Variants in FZD3 observed in about 807,000 individuals in gnomAD.
The protein encoded by FZD3 is frizzled class receptor 3, also known as frizzled-3.
A neutral mutation model predicts 60.7 loss-of-function variants in FZD3; 30 were observed. The observed-to-expected ratio is 0.49, with a 90% CI of 0.37 to 0.67. FZD3 has a LOEUF of 0.67. FZD3 is among the 30% of genes least tolerant of loss of function. The probability of loss-of-function intolerance (pLI) is 0.00; values close to 1 mark genes in which losing one functional copy is unlikely to be tolerated. For missense variants in FZD3, 605 were observed against 838.7 expected (o/e 0.72, Z 3.44); for synonymous variants, 246 against 275.2 (o/e 0.89, Z 1.05).
At chr8:28,515,409 G>T (rs962522486) in intron 3 of FZD3, among the ~76,000 whole-genome samples, 2 of 152,216 alleles carry the variant, frequency 1.3e-5, no homozygotes, top group African/African-American at 4.8e-5. Flanking sequence ...ACACTTGGAA[G>T]AAGGCCAAGC....
At chr8:28,546,659 G>T (rs1366344254) in intron 5 of FZD3, among the ~76,000 whole-genome samples, 1 of 151,940 alleles carries the variant, frequency 6.6e-6, no homozygotes, top group African/African-American at 2.4e-5. Flanking sequence ...TTAAATTCTG[G>T]GATTTTTTAT....
At chr8:28,560,598 C>T (rs1013435508) in intron 7 of FZD3, among the ~76,000 whole-genome samples, 1 of 151,944 alleles carries the variant, frequency 6.6e-6, no homozygotes, top group Non-Finnish European at 1.5e-5. Context: ...TTAGAAAATA[C>T]TCAGCTTATA....
At chr8:28,551,388 C>A (rs28750241) in intron 5 of FZD3, among the ~76,000 whole-genome samples, 3,255 of 152,192 alleles carry the variant, frequency 0.021, 107 homozygotes, top group African/African-American at 0.074. Flanking sequence ...TTGGCATATA[C>A]CTGTAATCCT....
intron 3 of FZD3, among the ~76,000 whole-genome samples, chr8:28,514,860 T>G (rs560736774): frequency 6.6e-6 from 1 of 152,326 alleles, no homozygotes; most frequent in African/African-American, 2.4e-5. Flanking sequence ...AAGCTATCAT[T>G]TATTAATTGT....
At chr8:28,524,935 C>A (rs1804678422) in intron 4 of FZD3, among the ~76,000 whole-genome samples, 1 of 152,218 alleles carries the variant, frequency 6.6e-6, no homozygotes, top group Admixed American at 6.5e-5. Flanking sequence ...TCTGTTCCTA[C>A]TTCATTGATC....
intron 4 of FZD3, among the ~76,000 whole-genome samples, chr8:28,523,932 G>A (rs769552609): frequency 2.6e-5 from 4 of 152,080 alleles, no homozygotes; most frequent in Non-Finnish European, 5.9e-5. Flanking sequence ...CCTGATAAAA[G>A]GATGAGTTTG....
Position 28,565,068 on chromosome 8 carries a change from A to AGC in FZD3, c.*2057_*2058insGC, listed in dbSNP as rs1805683449. On this transcript the variant is annotated 3_prime_UTR_variant, in exon 8 of 8. Transcript: ENST00000240093. ...GTATACTTTCTTTCTTACCCTTTAAAACAAACTGCCAAGAAATTAGGTGTT... is the reference window on the plus strand; with the variant it reads ...GTATACTTTCTTTCTTACCCTTTAAAGCACAAACTGCCAAGAAATTAGGTGTT... 2 of 96,578 alleles carry AGC rather than the reference A, an allele frequency of 2.1e-5. No individual in the cohort carries two copies. The highest frequency in any genetic ancestry group is 2.1e-4 in the Admixed American group (2 of 9,466). The allele number at this position is 96,578 out of a possible 1,614,324, so 6.0% of individuals were successfully genotyped here.
Position 28,565,227 on chromosome 8 carries a change from C to T in FZD3, c.*2216C>T, listed in dbSNP as rs1191928791. 6.6e-6 allele frequency: 1 copy of T among 152,082 alleles called. No homozygotes were observed. The highest frequency in any genetic ancestry group is 2.4e-5 in the African/African-American group (1 of 41,404). 9.4% of individuals were successfully genotyped at this position (152,082 alleles called of 1,614,324 possible). A position where few individuals can be genotyped will look rare whatever the true frequency, so the allele number is the denominator to read the frequency against. On this transcript the variant is annotated 3_prime_UTR_variant, in exon 8 of 8. Coordinates refer to ENST00000240093, the MANE Select transcript of FZD3 (RefSeq NM_017412.4). ...ATGAGAGATATTTGAATATTTGGCC[C>T]AAAATGTTTTTCATTTTTCTCTGTG...
intron 3 of FZD3, among the ~76,000 whole-genome samples, chr8:28,510,207 G>T (rs933317722): frequency 6.6e-6 from 1 of 152,058 alleles, no homozygotes; most frequent in Admixed American, 6.5e-5. Context: ...TTACTCCATT[G>T]TATTGGATAT....
intron 5 of FZD3, among the ~76,000 whole-genome samples, chr8:28,535,927 C>T (rs1585981819): frequency 6.6e-6 from 1 of 152,070 alleles, no homozygotes; most frequent in Non-Finnish European, 1.5e-5. Context: ...GCATAATATT[C>T]GTTAAAAATG....
intron 7 of FZD3, among the ~76,000 whole-genome samples, chr8:28,557,718 C>G (rs184927586): frequency 6.6e-6 from 1 of 152,204 alleles, no homozygotes; most frequent in Admixed American, 6.5e-5. Context: ...TGAACTGTAC[C>G]CTCTAACATC....
chr8:28,539,585 T>A (rs1227303502), intron 5 of FZD3, among the ~76,000 whole-genome samples: 2 of 152,234 alleles, frequency 1.3e-5, no homozygotes, highest in Non-Finnish European at 2.9e-5. Flanking sequence ...ATTCAGGAAC[T>A]GTTGTCACTT....
In FZD3 at chr8:28,569,568, A is replaced by G. The variant is rs138367110; in HGVS notation, c.*6557A>G. ...CTTATTCATCCCATGAACTAGATCA[A>G]CTTGTATTATTTTACTAGATCAACC... On this transcript the variant is annotated 3_prime_UTR_variant, in exon 8 of 8. Transcript: ENST00000240093. 2 of 152,170 alleles carry G rather than the reference A, an allele frequency of 1.3e-5. No individual in the cohort carries two copies. Among genetic ancestry groups the G allele is most frequent in the African/African-American group, 4.8e-5 (2 of 41,520 alleles). 9.4% of individuals were successfully genotyped at this position (152,170 alleles called of 1,614,324 possible). A position where few individuals can be genotyped will look rare whatever the true frequency, so the allele number is the denominator to read the frequency against.
Position 28,562,831 on chromosome 8 carries a change from G to A in FZD3, c.1821G>A (p.Glu607=). Residue 607 remains glutamate (E), a synonymous_variant, in exon 8 of 8, where the codon GAG becomes GAA. Transcript: ENST00000240093. ...YTPCSYRGME[E]RLPHGSMSRL... is the part of the protein sequence containing the mutation. ...CCTGCAGTTACAGAGGAATGGAGGA[G>A]AGACTACCTCATGGCAGCATGTCAC... 1 of 1,612,898 alleles carries A rather than the reference G, an allele frequency of 6.2e-7. No individual in the cohort carries two copies. The highest frequency in any genetic ancestry group is 8.5e-7 in the Non-Finnish European group (1 of 1,179,238).
intron 5 of FZD3, among the ~76,000 whole-genome samples, chr8:28,544,041 A>G (rs1207316054): frequency 6.6e-6 from 1 of 152,006 alleles, no homozygotes; most frequent in Non-Finnish European, 1.5e-5. Context: ...GAGGAGGCTC[A>G]TAATACCCAA....
At chr8:28,525,515 C>A (rs1172336488) in intron 4 of FZD3, among the ~76,000 whole-genome samples, 1 of 152,044 alleles carries the variant, frequency 6.6e-6, no homozygotes, top group Non-Finnish European at 1.5e-5. Context: ...TACAGAGACT[C>A]TGAAGTGGAA....
chr8:28,551,637 T>G lies in FZD3; in HGVS notation c.1439T>G (p.Phe480Cys). The change falls in exon 6 of 8, where the codon TTT (phenylalanine) becomes TGT (cysteine). Residue 480 changes from phenylalanine (F) to cysteine (C), a missense_variant. By Grantham distance (205) the Phe-to-Cys change is radical. Coordinates refer to ENST00000240093, the MANE Select transcript of FZD3 (RefSeq NM_017412.4). Reference sequence around the variant, plus strand: ...ATGAGTCGTCCAGACTTGATTCTCTTTCTGATGAAATACCTGATGGCTCTC... The same window carrying G: ...ATGAGTCGTCCAGACTTGATTCTCTGTCTGATGAAATACCTGATGGCTCTC... Reference protein sequence around the residue: ...TQMSRPDLILFLMKYLMALIV... With the variant: ...TQMSRPDLILCLMKYLMALIV... 1.9e-6 allele frequency: 3 copies of G among 1,610,822 alleles called. No individual in the cohort carries two copies. The highest frequency in any genetic ancestry group is 2.5e-6 in the Non-Finnish European group (3 of 1,177,302).
intron 1 of FZD3, among the ~76,000 whole-genome samples, chr8:28,498,966 A>G (rs907152247): frequency 6.6e-6 from 1 of 152,220 alleles, no homozygotes; most frequent in Non-Finnish European, 1.5e-5. Flanking sequence ...GACTCTTACT[A>G]AATTGATCAT....
chr8:28,552,394 A>G (rs1428236202), intron 6 of FZD3, among the ~76,000 whole-genome samples: 1 of 152,236 alleles, frequency 6.6e-6, no homozygotes, highest in East Asian at 1.9e-4. Context: ...ATATAAGGGC[A>G]TATTTAAGGA....
Sources: gnomAD v4.1 joint callset for allele counts (sites outside exome capture counted in the v4.1 genomes callset) on GRCh38, gnomAD v4.1.1 for gene constraint, MANE v1.5 for transcripts, NCBI Gene and HGNC (gene_info 2026-07-23, HGNC 2026-07-21) for gene names.